Variants in SBNO2 observed in about 807,000 individuals in gnomAD.
SBNO2 encodes the protein protein strawberry notch homolog 2.
Under a neutral mutation model 146.3 loss-of-function variants are expected in SBNO2, and 89 were observed. The ratio of observed to expected loss-of-function variants is 0.61; its 90% confidence interval spans 0.51 to 0.73. The LOEUF is 0.73. Among genes scored for constraint, SBNO2 ranks in the 30% least tolerant of loss-of-function variants. SBNO2 has a pLI of 0.00. For synonymous variants in SBNO2, 1,147 were observed against 892.6 expected (o/e 1.29, Z -5.08); for missense variants, 2,092 against 2,003.7 (o/e 1.04, Z -0.84).
At chr19:1,115,834 C>T (rs549242323) in intron 17 of SBNO2, 187 bp downstream of exon 17, 127 of 627,872 alleles carry the variant, frequency 2.0e-4, no homozygotes, top group African/African-American at 2.0e-3. Context: ...CTTCCCTAAG[C>T]GTTCCATGGC....
chr19:1,149,489 G>A (rs1024241504), intron 2 of SBNO2, 47 bp from the exon 3 acceptor site: 21 of 1,512,162 alleles, frequency 1.4e-5, no homozygotes, highest in African/African-American at 1.1e-4. Flanking sequence ...GAGGACCTGC[G>A]GTGCAGCCCG....
intron 2 of SBNO2, 83 bp from the exon 3 acceptor site, chr19:1,149,525 G>C (rs1026712763): frequency 2.3e-6 from 3 of 1,313,082 alleles, no homozygotes; most frequent in South Asian, 1.3e-5. Context: ...CAGGGTGACA[G>C]GCCGAGAGGC....
At chr19:1,162,988 G>A (rs1167508060) in intron 1 of SBNO2, among the ~76,000 whole-genome samples, 1 of 152,170 alleles carries the variant, frequency 6.6e-6, no homozygotes, top group Non-Finnish European at 1.5e-5. Context: ...ATGGGGGCAG[G>A]ATCAGACCCC....
Position 1,120,015 on chromosome 19 carries a change from G to T in SBNO2, c.1158C>A (p.Phe386Leu). 3 of 1,551,028 alleles carry T rather than the reference G, an allele frequency of 1.9e-6. No homozygotes were observed. Among genetic ancestry groups the T allele is most frequent in the Non-Finnish European group, 2.6e-6 (3 of 1,146,982 alleles). Residue 386 changes from phenylalanine to leucine, a missense_variant, in exon 12 of 32, where the codon TTC becomes TTA. Coordinates refer to ENST00000361757, the MANE Select transcript of SBNO2 (RefSeq NM_014963.3). ...CGEAFEGVIV[F>L]DECHKAKNAG... ...CATTCTTGGCTTTGTGACACTCGTCGAACACGATCTGAGGCACACGTGGGT... is the reference window on the plus strand; with the variant it reads ...CATTCTTGGCTTTGTGACACTCGTCTAACACGATCTGAGGCACACGTGGGT...
At chr19:1,154,045 C>G (rs988336390) in intron 2 of SBNO2, 139 bp downstream of exon 2, 2 of 413,032 alleles carry the variant, frequency 4.8e-6, no homozygotes, top group Non-Finnish European at 8.2e-6. Flanking sequence ...TGGAGCCGGG[C>G]TCCGGGCCAG....
intron 17 of SBNO2, 129 bp downstream of exon 17, chr19:1,115,892 T>C: frequency 1.3e-6 from 1 of 772,238 alleles, no homozygotes; most frequent in Middle Eastern, 2.2e-4. Context: ...TGAGCCTGCC[T>C]GGCACGGACA....
rs2079984437 is a variant in SBNO2 at position 1,127,840 on chromosome 19, GGATGGGA to G, written c.280-82_280-76del. 7.1e-6 allele frequency: 10 copies of G among 1,405,152 alleles called. No individual in the cohort carries two copies. The Admixed American group carries it at 1.2e-4, about 17-fold the overall frequency. The allele number at this position is 1,405,152 out of a possible 1,614,324, so 87.0% of individuals were successfully genotyped here. A position where few individuals can be genotyped will look rare whatever the true frequency, so the allele number is the denominator to read the frequency against. ...CCCCTCCACGCACTGGAGCACGTGG[GGATGGGA>G]GACACCACGGCCCTCCACACACTGG... On this transcript the variant is annotated intron_variant, in intron 4 of 31. Transcript: ENST00000361757.
intron 2 of SBNO2, among the ~76,000 whole-genome samples, chr19:1,151,413 C>A (rs1006358347): frequency 2.0e-5 from 3 of 152,208 alleles, no homozygotes; most frequent in African/African-American, 7.2e-5. Flanking sequence ...AAAGTCCTGA[C>A]TGCCTCTATC....
chr19:1,156,985 TG>T (rs1260786260), intron 1 of SBNO2, among the ~76,000 whole-genome samples: 4 of 71,252 alleles, frequency 5.6e-5, no homozygotes, highest in East Asian at 1.7e-3. Flanking sequence ...CCCACAGCCC[TG>T]CCTTTCCGCC....
intron 4 of SBNO2, among the ~76,000 whole-genome samples, chr19:1,138,975 T>C (rs2080110802): frequency 6.6e-6 from 1 of 151,596 alleles, no homozygotes; most frequent in Non-Finnish European, 1.5e-5. Context: ...ACAGACACAG[T>C]GGGCCCCTCC....
intron 1 of SBNO2, among the ~76,000 whole-genome samples, chr19:1,162,696 C>T (rs2080361008): frequency 6.6e-6 from 1 of 152,184 alleles, no homozygotes; most frequent in African/African-American, 2.4e-5. Context: ...GACCTTCAAC[C>T]CCATCTCCAG....
intron 1 of SBNO2, among the ~76,000 whole-genome samples, chr19:1,166,851 A>G (rs1157320117): frequency 6.6e-6 from 1 of 152,142 alleles, no homozygotes; most frequent in African/African-American, 2.4e-5. Flanking sequence ...CACACCTGCT[A>G]CTGTCACTGC....
rs771405342 is a variant in SBNO2 at position 1,110,850 on chromosome 19, G to A, written c.2923C>T (p.Leu975=). The change falls in exon 26 of 32, where the codon CTG becomes TTG. Residue 975 remains leucine, a synonymous_variant. Transcript: ENST00000361757. The surrounding 1 kb of genome is among the most constrained non-coding windows in gnomAD (Gnocchi z 4.9). Reference sequence around the variant, plus strand: ...AGGGCGTTCTGCTTGTGCACCTCCAGCCCCAGGATGCGGTTCAGGAACTTG... The same window carrying A: ...AGGGCGTTCTGCTTGTGCACCTCCAACCCCAGGATGCGGTTCAGGAACTTG... ...ITKFLNRILG[L]EVHKQNALFQ... is the part of the protein sequence containing the mutation. 1 of 1,613,670 alleles carries A rather than the reference G, an allele frequency of 6.2e-7. No homozygotes were observed. Among genetic ancestry groups the A allele is most frequent in the East Asian group, 2.2e-5 (1 of 44,872 alleles).
In SBNO2 at chr19:1,122,463, C is replaced by G; in HGVS notation, c.1005+5G>C. ...GCCCCCTACTTTGCCGAGCACAGCC[C>G]CTACCTTGCTGAGCGCGTGCACCGC... On this transcript the variant is annotated splice_donor_5th_base_variant and intron_variant, in intron 10 of 31. Coordinates refer to ENST00000361757, the MANE Select transcript of SBNO2 (RefSeq NM_014963.3). 6.4e-7 allele frequency: 1 copy of G among 1,569,088 alleles called. No homozygotes were observed. Among genetic ancestry groups the G allele is most frequent in the Non-Finnish European group, 8.6e-7 (1 of 1,159,128 alleles).
intron 17 of SBNO2, among the ~76,000 whole-genome samples, chr19:1,114,745 C>T (rs888254163): frequency 6.6e-6 from 1 of 152,224 alleles, no homozygotes; most frequent in African/African-American, 2.4e-5. Flanking sequence ...AGCGATTCTC[C>T]TGCCTCAGCC....
chr19:1,159,990 A>G lies in SBNO2; in HGVS notation c.-126-5588T>C, dbSNP rs112094551. On this transcript the variant is annotated intron_variant, in intron 1 of 31. Coordinates refer to ENST00000361757, the MANE Select transcript of SBNO2 (RefSeq NM_014963.3). ...GTCCGGCGCTGCCCCTGCCCACGCC[A>G]GTGCTGCTCTCTGCAGCCATCAGCC... 4.2e-3 allele frequency among the ~76,000 whole-genome samples: 635 copies of G among 152,110 alleles called. 8 individuals carry two copies. Among genetic ancestry groups the G allele is most frequent in the African/African-American group, 0.015 (614 of 41,498 alleles).
chr19:1,140,609 T>C lies in SBNO2; in HGVS notation c.279+6700A>G, dbSNP rs1225280828. On this transcript the variant is annotated intron_variant, in intron 4 of 31. Transcript: ENST00000361757. The surrounding 1 kb of genome is among the most constrained non-coding windows in gnomAD (Gnocchi z 4.4). The stretch of plus-strand genomic sequence containing the variant: ...GCAGCGTGAGCCCCAGGGGTGGGGG[T>C]GGGGGTGGCCAGGGAGCAGGCAGAG... 9.8e-6 allele frequency among the ~76,000 whole-genome samples: 1 copy of C among 102,352 alleles called. No homozygotes were observed. Among genetic ancestry groups the C allele is most frequent in the African/African-American group, 3.6e-5 (1 of 27,846 alleles). The allele number at this position is 102,352 out of a possible 152,430, so 67.1% of individuals were successfully genotyped here.
intron 2 of SBNO2, among the ~76,000 whole-genome samples, chr19:1,153,307 T>C (rs1304525089): frequency 6.6e-6 from 1 of 151,336 alleles, no homozygotes; most frequent in Non-Finnish European, 1.5e-5. Context: ...GTGCAATCTC[T>C]GCTCACTGCA....
intron 3 of SBNO2, among the ~76,000 whole-genome samples, chr19:1,149,123 G>A (rs920055226): frequency 5.7e-5 from 7 of 123,680 alleles, no homozygotes; most frequent in African/African-American, 9.1e-5. Flanking sequence ...ACACCTCCCC[G>A]CCCTCTACCA....
Sources: gnomAD v4.1 joint callset for allele counts (sites outside exome capture counted in the v4.1 genomes callset) on GRCh38, gnomAD v4.1.1 for gene constraint, Gnocchi (gnomAD v3.1) non-coding constraint, MANE v1.5 for transcripts, NCBI Gene and HGNC (gene_info 2026-07-23, HGNC 2026-07-21) for gene names.